Variants in CTNND2 observed in about 807,000 individuals in gnomAD.
CTNND2 encodes the protein catenin delta-2.
CTNND2 carries 22 observed loss-of-function variants against 144.4 expected under a neutral mutation model. The ratio of observed to expected loss-of-function variants is 0.15; its 90% confidence interval spans 0.11 to 0.22. CTNND2 has a LOEUF of 0.22. CTNND2 is among the 10% of genes least tolerant of loss of function. The probability of loss-of-function intolerance (pLI) is 1.00; values close to 1 mark genes in which losing one functional copy is unlikely to be tolerated. For synonymous variants in CTNND2, 751 were observed against 695.6 expected (o/e 1.08, Z -1.25); for missense variants, 1,353 against 1,618.8 (o/e 0.84, Z 2.82).
At chr5:11,774,317 C>T (rs1413011855) in intron 1 of CTNND2, among the ~76,000 whole-genome samples, 1 of 145,892 alleles carries the variant, frequency 6.9e-6, no homozygotes, top group Non-Finnish European at 1.5e-5. Flanking sequence ...CATAGTATTC[C>T]ATGGTGTATA....
At chr5:11,761,829 G>A (rs1287989283) in intron 1 of CTNND2, among the ~76,000 whole-genome samples, 1 of 151,946 alleles carries the variant, frequency 6.6e-6, no homozygotes, top group Non-Finnish European at 1.5e-5. Context: ...AGCTTATATT[G>A]GTAACCAAGA....
At chr5:11,136,768 C>A (rs578205342) in intron 12 of CTNND2, among the ~76,000 whole-genome samples, 1 of 152,338 alleles carries the variant, frequency 6.6e-6, no homozygotes, top group African/African-American at 2.4e-5. Flanking sequence ...AGGGATTCTT[C>A]AAAAATATAT....
chr5:11,570,095 T>C (rs1055324364), intron 2 of CTNND2, among the ~76,000 whole-genome samples: 2 of 152,214 alleles, frequency 1.3e-5, no homozygotes, highest in Non-Finnish European at 2.9e-5. Context: ...TGGAGTTTTT[T>C]GTTCCTTTGC....
intron 9 of CTNND2, among the ~76,000 whole-genome samples, chr5:11,240,227 A>T (rs1178463186): frequency 2.0e-4 from 27 of 133,840 alleles, no homozygotes; most frequent in African/African-American, 6.8e-4. Context: ...CACACCCAAC[A>T]CACACACACC....
intron 9 of CTNND2, among the ~76,000 whole-genome samples, chr5:11,241,093 C>T (rs1173545612): frequency 6.6e-6 from 1 of 151,222 alleles, no homozygotes; most frequent in Non-Finnish European, 1.5e-5. Flanking sequence ...ACACCCAATA[C>T]ACACACCCAA....
chr5:11,726,740 G>C (rs1787045210), intron 2 of CTNND2, among the ~76,000 whole-genome samples: 1 of 152,044 alleles, frequency 6.6e-6, no homozygotes, highest in Admixed American at 6.6e-5. Flanking sequence ...TAACACCCTA[G>C]TCTCTTTTTT....
At chr5:11,813,686 A>C (rs1344993569) in intron 1 of CTNND2, among the ~76,000 whole-genome samples, 2 of 152,164 alleles carry the variant, frequency 1.3e-5, no homozygotes, top group African/African-American at 4.8e-5. Context: ...ATTTATTTAG[A>C]AATTTTTTGT....
At chr5:11,655,988 G>A (rs73743009) in intron 2 of CTNND2, among the ~76,000 whole-genome samples, 1,787 of 148,932 alleles carry the variant, frequency 0.012, 28 homozygotes, top group African/African-American at 0.044. Flanking sequence ...ACCTGCAGCA[G>A]ATTATTCTTT....
chr5:11,074,075 T>C (rs1239736415), intron 16 of CTNND2, among the ~76,000 whole-genome samples: 1 of 152,140 alleles, frequency 6.6e-6, no homozygotes. Context: ...GCACTGGACT[T>C]TCCACAGCCT....
rs113741088 is a variant in CTNND2 at position 11,323,233 on chromosome 5, G to C, written c.1628+23139C>G. 7.5e-3 allele frequency among the ~76,000 whole-genome samples: 890 copies of C among 118,106 alleles called. 12 individuals carry two copies. The highest frequency in any genetic ancestry group is 0.035 in the African/African-American group (837 of 23,976). The allele number at this position is 118,106 out of a possible 152,430, so 77.5% of individuals were successfully genotyped here. ...AAAAAACAAAAACATTTAGAGATTG[G>C]GGGGGGGGGTCTCACTATATTGCCC... On this transcript the variant is annotated intron_variant, in intron 9 of 21. Coordinates refer to ENST00000304623, the MANE Select transcript of CTNND2 (RefSeq NM_001332.4).
chr5:11,163,441 C>T (rs2149774647), intron 11 of CTNND2, among the ~76,000 whole-genome samples: 1 of 152,330 alleles, frequency 6.6e-6, no homozygotes, highest in Admixed American at 6.5e-5. Flanking sequence ...GTGGCTCCTA[C>T]TTGTACTCCC....
intron 9 of CTNND2, among the ~76,000 whole-genome samples, chr5:11,304,360 A>G (rs1288823910): frequency 6.6e-6 from 1 of 151,682 alleles, no homozygotes; most frequent in African/African-American, 2.4e-5. Flanking sequence ...TCTCTTTTGT[A>G]TACATTAATG....
chr5:11,895,638 G>A (rs1196509268), intron 1 of CTNND2, among the ~76,000 whole-genome samples: 3 of 146,392 alleles, frequency 2.0e-5, no homozygotes, highest in Non-Finnish European at 1.5e-5. Context: ...AAGTGAGTAA[G>A]TTTAACTTCA....
At chr5:11,683,148 T>G (rs1695114686) in intron 2 of CTNND2, among the ~76,000 whole-genome samples, 1 of 152,204 alleles carries the variant, frequency 6.6e-6, no homozygotes, top group Admixed American at 6.5e-5. Context: ...ATCTAACTAG[T>G]TTCTAACGCA....
At chr5:11,532,138 AC>A (rs1487706746) in intron 3 of CTNND2, among the ~76,000 whole-genome samples, 1 of 151,918 alleles carries the variant, frequency 6.6e-6, no homozygotes, top group African/African-American at 2.4e-5. Context: ...CCACCTCCAA[AC>A]AATCCTGAAG....
intron 9 of CTNND2, among the ~76,000 whole-genome samples, chr5:11,311,166 TCA>T (rs1454065122): frequency 2.9e-5 from 3 of 104,354 alleles, no homozygotes; most frequent in Middle Eastern, 0.011. Context: ...AACCCTTACC[TCA>T]CAGGCACACT....
intron 1 of CTNND2, among the ~76,000 whole-genome samples, chr5:11,779,324 T>C (rs1413368419): frequency 5.3e-5 from 8 of 152,228 alleles, no homozygotes; most frequent in Non-Finnish European, 1.0e-4. Context: ...ACTAAGACAA[T>C]AGCTGTCTTT....
intron 3 of CTNND2, among the ~76,000 whole-genome samples, chr5:11,462,864 A>T (rs1766342686): frequency 6.6e-6 from 1 of 152,038 alleles, no homozygotes; most frequent in Admixed American, 6.6e-5. Context: ...CAAGAAAAAA[A>T]GGACAACAAA....
intron 14 of CTNND2, among the ~76,000 whole-genome samples, chr5:11,108,316 C>T (rs1752622848): frequency 6.6e-6 from 1 of 152,086 alleles, no homozygotes; most frequent in South Asian, 2.1e-4. Context: ...ACATCTCTTT[C>T]ATTGTGGGAA....
Sources: allele counts gnomAD v4.1 joint callset (sites outside exome capture counted in the v4.1 genomes callset), GRCh38; gene constraint gnomAD v4.1.1; transcripts MANE v1.5; gene names NCBI Gene and HGNC (gene_info 2026-07-23, HGNC 2026-07-21).